Variants in ZNF587 observed in about 807,000 individuals in gnomAD.
The protein encoded by ZNF587 is zinc finger protein zfp6.
In ZNF587, 8 loss-of-function variants were observed where a neutral mutation model predicts 7.5. That is an observed-to-expected ratio of 1.06 (90% CI 0.62 to 1.92). ZNF587 has a LOEUF of 1.92. ZNF587 is among the 40% of genes most tolerant of loss of function. The pLI is 0.00. For synonymous variants in ZNF587, 145 were observed against 237.8 expected (o/e 0.61, Z 3.59); for missense variants, 468 against 692.8 (o/e 0.68, Z 3.64).
chr19:57,864,565 C>G lies in ZNF587; in HGVS notation c.*4425C>G, dbSNP rs2071481809. Reference sequence around the variant, plus strand: ...TAACAGTCTCAGCCCCTAAATGTCACCTTGTATTACAGCATGTTATATAAG... The same window carrying G: ...TAACAGTCTCAGCCCCTAAATGTCAGCTTGTATTACAGCATGTTATATAAG... On this transcript the variant is annotated 3_prime_UTR_variant, in exon 3 of 3. Coordinates refer to ENST00000339656, the MANE Select transcript of ZNF587 (RefSeq NM_032828.4). 1 of 152,010 alleles carries G rather than the reference C, an allele frequency of 6.6e-6. No homozygotes were observed. Among genetic ancestry groups the G allele is most frequent in the Non-Finnish European group, 1.5e-5 (1 of 68,012 alleles). 9.4% of individuals were successfully genotyped at this position (152,010 alleles called of 1,614,324 possible).
Position 57,849,893 on chromosome 19 carries a change from C to T in ZNF587, c.-146C>T, listed in dbSNP as rs534635237. On this transcript the variant is annotated 5_prime_UTR_variant, in exon 1 of 3. Coordinates refer to ENST00000339656, the MANE Select transcript of ZNF587 (RefSeq NM_032828.4). The stretch of plus-strand genomic sequence containing the variant: ...TGTGTATCGGCGATGCGGGTGTTTC[C>T]CCAGTTTGTGGCCCCTGAGTGCTGG... 6.0e-5 allele frequency: 92 copies of T among 1,532,200 alleles called. No homozygotes were observed. In the African/African-American group the frequency reaches 1.1e-3, roughly 18 times the overall value. The allele number at this position is 1,532,200 out of a possible 1,614,324, so 94.9% of individuals were successfully genotyped here. A position where few individuals can be genotyped will look rare whatever the true frequency, so the allele number is the denominator to read the frequency against.
chr19:57,855,876 C>G (rs1442053642), intron 1 of ZNF587: 5 of 678,162 alleles, frequency 7.4e-6, no homozygotes. Flanking sequence ...GGGAGTGGAC[C>G]TTTTTATGTC....
At chr19:57,858,225 C>A in intron 2 of ZNF587, 1 of 276,688 alleles carries the variant, frequency 3.6e-6, no homozygotes, top group Non-Finnish European at 6.8e-6. Flanking sequence ...CTTCTGGGTT[C>A]AAATGATTCT....
chr19:57,856,061 T>A (rs371527031), intron 1 of ZNF587, 43 bp from the exon 2 acceptor site: 58 of 1,610,078 alleles, frequency 3.6e-5, no homozygotes, highest in Non-Finnish European at 4.8e-5. Flanking sequence ...TTGTGGTACC[T>A]CAGCAGAGGG....
Position 57,856,216 on chromosome 19 carries a change from C to A in ZNF587, c.146C>A (p.Ala49Asp), listed in dbSNP as rs2071353455. ...LYRDVMLENL[A>D]LISSLGCWCG... ...CGTGATGTGATGCTAGAGAACCTGG[C>A]TCTCATATCCTCGCTGGGTAAGTTG... The change falls in exon 2 of 3, where the codon GCT (alanine) becomes GAT (aspartate). Residue 49 changes from alanine (A) to aspartate (D), a missense_variant. By Grantham distance (126) the Ala-to-Asp change is moderately radical. Around this residue, in one of 5 missense-constraint regions of ZNF587, gnomAD observed 92 missense variants for 89.7 expected, o/e 1.03. Transcript: ENST00000339656. 1 of 1,587,030 alleles carries A rather than the reference C, an allele frequency of 6.3e-7. No individual in the cohort carries two copies. The highest frequency in any genetic ancestry group is 8.6e-7 in the Non-Finnish European group (1 of 1,164,070).
At position 57,849,971 on chromosome 19, in the gene ZNF587, C is replaced by G. The variant is rs2071258002; in HGVS notation, c.-68C>G. 6.2e-7 allele frequency: 1 copy of G among 1,613,646 alleles called. No individual in the cohort carries two copies. Among genetic ancestry groups the G allele is most frequent in the Middle Eastern group, 1.7e-4 (1 of 6,006 alleles). On this transcript the variant is annotated 5_prime_UTR_variant, in exon 1 of 3. Transcript: ENST00000339656. ...GGTGGAGAGGAATCGTCCTCGGTGC[C>G]CAGAGGCGGCTCTGCAGCCCCGTGA...
chr19:57,851,310 G>C (rs1402689874), intron 1 of ZNF587: 2 of 152,188 alleles, frequency 1.3e-5, no homozygotes, highest in Non-Finnish European at 2.9e-5. Flanking sequence ...TGGTCCCCAG[G>C]CAAGAAAGGG....
rs559456208 is a variant in ZNF587, at chr19:57,860,179, G to A, written c.*39G>A. ...GGGAAATCGTTTGCTGAAGCATCCC[G>A]TCTCGTTAAACACAGGAGAGTTCAT... On this transcript the variant is annotated 3_prime_UTR_variant, in exon 3 of 3. Coordinates refer to ENST00000339656, the MANE Select transcript of ZNF587 (RefSeq NM_032828.4). The A allele has an allele frequency of 1.5e-5, 25 of 1,613,954 alleles. No homozygotes were observed. The highest frequency in any genetic ancestry group is 9.3e-5 in the African/African-American group (7 of 74,998).
In ZNF587 at chr19:57,861,576, G is replaced by A. The variant is rs1419371237; in HGVS notation, c.*1436G>A. On this transcript the variant is annotated 3_prime_UTR_variant, in exon 3 of 3. Transcript: ENST00000339656. ...ACTCCTGGGCTCAGGCGATCCACTTGCCTAGGCTCCAAAAGTGCTTGGTCT... is the reference window on the plus strand; with the variant it reads ...ACTCCTGGGCTCAGGCGATCCACTTACCTAGGCTCCAAAAGTGCTTGGTCT... 6.6e-6 allele frequency: 1 copy of A among 152,154 alleles called. No individual in the cohort carries two copies. Among genetic ancestry groups the A allele is most frequent in the Non-Finnish European group, 1.5e-5 (1 of 68,046 alleles). The allele number at this position is 152,154 out of a possible 1,614,324, so 9.4% of individuals were successfully genotyped here.
In ZNF587 at chr19:57,863,849, C is replaced by G. The variant is rs2122378044; in HGVS notation, c.*3709C>G. On this transcript the variant is annotated 3_prime_UTR_variant, in exon 3 of 3. Coordinates refer to ENST00000339656, the MANE Select transcript of ZNF587 (RefSeq NM_032828.4). ...CACAAGGTCAGGAGTTCAAGACCAC[C>G]CTGGCCAATATTGTGAATTCCTGTC... 1 of 151,414 alleles carries G rather than the reference C, an allele frequency of 6.6e-6. No homozygotes were observed. The highest frequency in any genetic ancestry group is 2.0e-4 in the East Asian group (1 of 4,916). 9.4% of individuals were successfully genotyped at this position (151,414 alleles called of 1,614,324 possible).
intron 1 of ZNF587, chr19:57,855,829 G>A (rs2071348198): frequency 2.6e-6 from 1 of 387,796 alleles, no homozygotes; most frequent in Non-Finnish European, 4.7e-6. Context: ...CCAAAGTGCT[G>A]GGATTACAGG....
intron 2 of ZNF587, 141 bp downstream of exon 2, chr19:57,856,374 A>T: frequency 7.3e-7 from 1 of 1,372,652 alleles, no homozygotes; most frequent in Non-Finnish European, 9.7e-7. Flanking sequence ...TGTGGTTCGT[A>T]GGAGTAAGGT....
chr19:57,857,793 CCTGA>C (rs1412192195), intron 2 of ZNF587, among the ~76,000 whole-genome samples: 5 of 151,664 alleles, frequency 3.3e-5, no homozygotes, highest in African/African-American at 9.7e-5. Context: ...TGCCACCATG[CCTGA>C]CTGACTTTTT....
rs1273394063 is a variant in ZNF587 at position 57,856,126 on chromosome 19, A to G, written c.56A>G (p.Asp19Gly). Residue 19 changes from aspartate to glycine, a missense_variant, in exon 2 of 3, where the codon GAT (aspartate) becomes GGT (glycine). Asp to Gly is a moderately conservative substitution (Grantham distance 94). Around this residue, in one of 5 missense-constraint regions of ZNF587, gnomAD observed 92 missense variants for 89.7 expected, o/e 1.03. Transcript: ENST00000339656. Reference sequence around the variant, plus strand: ...TAGCAGGGCACTGTGACCTTTGAAGATGTGGCTGTGAACTTTTCCCAGGAG... The same window carrying G: ...TAGCAGGGCACTGTGACCTTTGAAGGTGTGGCTGTGAACTTTTCCCAGGAG... ...PTQQGTVTFE[D>G]VAVNFSQEEW... 6.2e-7 allele frequency: 1 copy of G among 1,613,264 alleles called. No individual in the cohort carries two copies. Among genetic ancestry groups the G allele is most frequent in the Non-Finnish European group, 8.5e-7 (1 of 1,179,726 alleles).
At chr19:57,852,452 G>A (rs1339350380) in intron 1 of ZNF587, 2 of 398,526 alleles carry the variant, frequency 5.0e-6, no homozygotes, top group East Asian at 3.6e-5. Flanking sequence ...CCAGGTGAGG[G>A]TTAATGGATC....
chr19:57,852,817 T>A (rs1024807852), intron 1 of ZNF587, among the ~76,000 whole-genome samples: 1 of 129,742 alleles, frequency 7.7e-6, no homozygotes, highest in Non-Finnish European at 1.6e-5. Flanking sequence ...CATGGACCAA[T>A]GCGCCCAGCC....
At chr19:57,853,815 G>C (rs2071315864) in intron 1 of ZNF587, 1 of 150,802 alleles carries the variant, frequency 6.6e-6, no homozygotes, top group African/African-American at 2.5e-5. Context: ...GAGTGCAATG[G>C]TGCCATCTCG....
At chr19:57,856,062 C>T (rs750566452) in intron 1 of ZNF587, 42 bp from the exon 2 acceptor site, 1 of 1,611,142 alleles carries the variant, frequency 6.2e-7, no homozygotes, top group East Asian at 2.2e-5. Context: ...TGTGGTACCT[C>T]AGCAGAGGGG....
chr19:57,860,317 G>A lies in ZNF587; in HGVS notation c.*177G>A. 4.0e-6 allele frequency: 5 copies of A among 1,247,332 alleles called. No individual in the cohort carries two copies. The highest frequency in any genetic ancestry group is 5.6e-6 in the Non-Finnish European group (5 of 893,808). 77.3% of individuals were successfully genotyped at this position (1,247,332 alleles called of 1,614,324 possible). On this transcript the variant is annotated 3_prime_UTR_variant, in exon 3 of 3. Coordinates refer to ENST00000339656, the MANE Select transcript of ZNF587 (RefSeq NM_032828.4). Reference sequence around the variant, plus strand: ...GGAGTCTTGTTCTGTCACCCAGGCTGGAGTGCAGTGGTGCAGTCTTGGCTC... The same window carrying A: ...GGAGTCTTGTTCTGTCACCCAGGCTAGAGTGCAGTGGTGCAGTCTTGGCTC...
Sources: allele counts gnomAD v4.1 joint callset (sites outside exome capture counted in the v4.1 genomes callset), GRCh38; gene constraint gnomAD v4.1.1; regional missense constraint gnomAD v4.1.1; transcripts MANE v1.5; gene names NCBI Gene and HGNC (gene_info 2026-07-23, HGNC 2026-07-21).